The following FANCC variants were observed in gnomAD, a reference collection of about 807,000 sequenced individuals.
FANCC encodes the protein Fanconi anemia group C protein.
A neutral mutation model predicts 71.3 loss-of-function variants in FANCC; 55 were observed. The observed-to-expected ratio is 0.77, with a 90% confidence interval of 0.62 to 0.97. The LOEUF is 0.97. Ranked by LOEUF, FANCC falls within the 50% of genes least tolerant of loss-of-function variation. The pLI is 0.00. For missense variants in FANCC, 678 were observed against 670.9 expected (o/e 1.01, Z -0.12); for synonymous variants, 275 against 244.9 (o/e 1.12, Z -1.15).
At chr9:95,139,263 G>A (rs1398532476) in intron 7 of FANCC, among the ~76,000 whole-genome samples, 7 of 152,312 alleles carry the variant, frequency 4.6e-5, no homozygotes, top group African/African-American at 7.2e-5. Context: ...CACCCTCTCC[G>A]TGTAGGCGCT....
Position 95,125,070 on chromosome 9 carries a change from A to G in FANCC, c.996+16T>C. The G allele has an allele frequency of 6.2e-7, 1 of 1,601,568 alleles. No individual in the cohort carries two copies. The highest frequency in any genetic ancestry group is 1.3e-5 in the African/African-American group (1 of 74,802). Reference sequence around the variant, plus strand: ...ATTCTCTGGGATGAATGAGTAATATATGTGATATAACAAACCTGCTTGCTT... The same window carrying G: ...ATTCTCTGGGATGAATGAGTAATATGTGTGATATAACAAACCTGCTTGCTT... On this transcript the variant is annotated intron_variant, in intron 10 of 14. Transcript: ENST00000289081.
At chr9:95,186,337 T>C (rs1564733966) in intron 4 of FANCC, among the ~76,000 whole-genome samples, 1 of 152,260 alleles carries the variant, frequency 6.6e-6, no homozygotes, top group Non-Finnish European at 1.5e-5. Context: ...GGGCCTGACC[T>C]GTGCATTCCC....
chr9:95,257,837 T>C (rs1831768399), intron 1 of FANCC, among the ~76,000 whole-genome samples: 1 of 152,130 alleles, frequency 6.6e-6, no homozygotes, highest in Non-Finnish European at 1.5e-5. Flanking sequence ...CAATAAAAAA[T>C]GATAAAGAAT....
chr9:95,210,408 T>A lies in FANCC; in HGVS notation c.345+30241A>T, dbSNP rs559248242. ...CTCAATTAAAATGGTAAAAAAAAAA[T>A]TCAGGCTTAATAAACCTTAATCAGA... On this transcript the variant is annotated intron_variant, in intron 4 of 14. Transcript: ENST00000289081. Among the ~76,000 whole-genome samples, 6 of 152,058 alleles carry A rather than the reference T, an allele frequency of 3.9e-5. No individual in the cohort carries two copies. In the South Asian group the frequency reaches 1.0e-3, roughly 26 times the overall value.
intron 6 of FANCC, among the ~76,000 whole-genome samples, chr9:95,157,459 T>C (rs1449887941): frequency 6.6e-6 from 1 of 152,220 alleles, no homozygotes; most frequent in African/African-American, 2.4e-5. Context: ...AGGAGCAACA[T>C]TCTGAGCATC....
At chr9:95,181,468 C>A (rs953820079) in intron 4 of FANCC, among the ~76,000 whole-genome samples, 8 of 152,078 alleles carry the variant, frequency 5.3e-5, no homozygotes, top group Non-Finnish European at 1.2e-4. Context: ...AGTCTAAACA[C>A]AAAACCATTA....
chr9:95,293,833 T>C, intron 1 of FANCC: 1 of 1,612,918 alleles, frequency 6.2e-7, no homozygotes, highest in East Asian at 2.2e-5. Flanking sequence ...ACCAGTGGGA[T>C]ACAAAGTCCA....
intron 1 of FANCC, among the ~76,000 whole-genome samples, chr9:95,260,339 A>G (rs904721983): frequency 1.3e-5 from 2 of 152,188 alleles, no homozygotes; most frequent in African/African-American, 4.8e-5. Flanking sequence ...GCACATATAC[A>G]CCATGGAATG....
At chr9:95,242,526 T>TATG (rs778258880) in intron 3 of FANCC, among the ~76,000 whole-genome samples, 7 of 151,406 alleles carry the variant, frequency 4.6e-5, no homozygotes, top group Non-Finnish European at 8.8e-5. Context: ...TTTATGAGTT[T>TATG]ATGAAGCTTA....
chr9:95,286,851 G>A (rs772069792), intron 1 of FANCC, among the ~76,000 whole-genome samples: 1 of 152,100 alleles, frequency 6.6e-6, no homozygotes, highest in Admixed American at 6.5e-5. Flanking sequence ...TTTTTAAAAG[G>A]TAATATGAAC....
chr9:95,218,558 A>C (rs576187907), intron 4 of FANCC, among the ~76,000 whole-genome samples: 1 of 152,334 alleles, frequency 6.6e-6, no homozygotes, highest in African/African-American at 2.4e-5. Flanking sequence ...ATAGACATAA[A>C]AACCCTTAAC....
intron 4 of FANCC, among the ~76,000 whole-genome samples, chr9:95,207,495 C>G (rs1828206360): frequency 6.6e-6 from 1 of 152,094 alleles, no homozygotes; most frequent in African/African-American, 2.4e-5. Context: ...CAAACATACC[C>G]ACCAAAAGCC....
At chr9:95,303,243 A>AC (rs1243056494) in intron 1 of FANCC, among the ~76,000 whole-genome samples, 1 of 152,228 alleles carries the variant, frequency 6.6e-6, no homozygotes, top group African/African-American at 2.4e-5. Flanking sequence ...AAATTTATAT[A>AC]ATTAAACGTA....
At chr9:95,152,442 GA>G (rs1830229122) in intron 6 of FANCC, among the ~76,000 whole-genome samples, 1 of 152,186 alleles carries the variant, frequency 6.6e-6, no homozygotes, top group East Asian at 1.9e-4. Flanking sequence ...GCAGACAGAT[GA>G]AAAGCAAAAG....
In FANCC at chr9:95,256,884, T is replaced by C. The variant is rs547300927; in HGVS notation, c.-78-7515A>G. Among the ~76,000 whole-genome samples the C allele has an allele frequency of 4.6e-5, 7 of 151,152 alleles. No homozygotes were observed. The East Asian group carries it at 1.4e-3, about 29-fold the overall frequency. ...AGAAAAAAAAAAGCAGGGGTTGCAATGCTAGTCTCTGATGAAACAGACTTT... is the reference window on the plus strand; with the variant it reads ...AGAAAAAAAAAAGCAGGGGTTGCAACGCTAGTCTCTGATGAAACAGACTTT... On this transcript the variant is annotated intron_variant, in intron 1 of 14. Transcript: ENST00000289081.
intron 4 of FANCC, among the ~76,000 whole-genome samples, chr9:95,189,411 G>A (rs2135728286): frequency 6.6e-6 from 1 of 152,232 alleles, no homozygotes; most frequent in Non-Finnish European, 1.5e-5. Context: ...CCTATTCCGT[G>A]AGCAGGATGC....
chr9:95,110,953 A>T (rs1406527690), intron 13 of FANCC: 3 of 1,383,770 alleles, frequency 2.2e-6, no homozygotes, highest in Non-Finnish European at 2.8e-6. Context: ...AGTGGTTAAT[A>T]TCATCTGATT....
At chr9:95,116,815 G>A (rs1282025928) in intron 11 of FANCC, among the ~76,000 whole-genome samples, 4 of 152,212 alleles carry the variant, frequency 2.6e-5, no homozygotes, top group Admixed American at 2.6e-4. Flanking sequence ...GAGAGGCTGT[G>A]GATGAAGCAC....
chr9:95,242,976 T>C (rs569635621), intron 3 of FANCC, among the ~76,000 whole-genome samples: 1 of 152,328 alleles, frequency 6.6e-6, no homozygotes, highest in African/African-American at 2.4e-5. Context: ...TAAATTTGGA[T>C]TCTAAAACTG....
Sources: allele counts gnomAD v4.1 joint callset (sites outside exome capture counted in the v4.1 genomes callset), GRCh38; gene constraint gnomAD v4.1.1; transcripts MANE v1.5; gene names NCBI Gene and HGNC (gene_info 2026-07-23, HGNC 2026-07-21).